Variants in H2BW2 observed in about 807,000 individuals in gnomAD.
H2BW2 encodes the protein histone H2B type F-M.
Under a neutral mutation model 9.2 loss-of-function variants are expected in H2BW2, and 8 were observed. The observed-to-expected ratio is 0.87, with a 90% CI of 0.51 to 1.57. The LOEUF (loss-of-function observed/expected upper bound fraction) is 1.57, where lower values mean the gene tolerates loss of function less well. Ranked by LOEUF, H2BW2 falls within the 40% of genes most tolerant of loss-of-function variation. H2BW2 has a pLI of 0.00. For synonymous variants in H2BW2, 80 were observed against 56.8 expected (o/e 1.41, Z -1.84); for missense variants, 193 against 137.3 (o/e 1.41, Z -2.03).
At position 104,040,283 on chromosome X, in the gene H2BW2, C is replaced by A; in HGVS notation, c.289C>A (p.Leu97Met). 1 of 1,197,311 alleles carries A rather than the reference C, an allele frequency of 8.4e-7. No individual in the cohort carries two copies. Among genetic ancestry groups the A allele is most frequent in the Admixed American group, 2.3e-5 (1 of 44,251 alleles). ...LDRIATEAGQLAHYTKRVTIT... is the reference protein window; with the variant it reads ...LDRIATEAGQMAHYTKRVTIT... Reference sequence around the variant, plus strand: ...CCGCATCGCCACCGAGGCTGGTCAGCTGGCCCATTACACCAAGCGCGTGAC... The same window carrying A: ...CCGCATCGCCACCGAGGCTGGTCAGATGGCCCATTACACCAAGCGCGTGAC... The change falls in exon 1 of 4, where the codon CTG (leucine) becomes ATG (methionine). Residue 97 changes from leucine (L) to methionine (M), a missense_variant. By Grantham distance (15) the Leu-to-Met change is conservative (BLOSUM62 2). Transcript: ENST00000675318.
chrX:104,040,055 G>A lies in H2BW2; in HGVS notation c.61G>A (p.Glu21Lys), dbSNP rs1463425839. ...EEGQSIQEPK[E>K]ANSTKAQKQK... ...AGGCCAGAGCATCCAGGAGCCCAAA[G>A]AGGCCAACTCCACGAAGGCCCAGAA... The change falls in exon 1 of 4, where the codon GAG (glutamate) becomes AAG (lysine). Residue 21 changes from glutamate to lysine, a missense_variant. Transcript: ENST00000675318. 1.4e-5 allele frequency: 16 copies of A among 1,165,280 alleles called. No homozygotes were observed. The highest frequency in any genetic ancestry group is 1.8e-5 in the Non-Finnish European group (16 of 872,627).
chrX:104,041,004 T>G (rs1369756540), intron 2 of H2BW2, 84 bp from the exon 3 acceptor site: 2 of 700,027 alleles, frequency 2.9e-6, no homozygotes, highest in Non-Finnish European at 4.2e-6. Flanking sequence ...CCATTCGTTT[T>G]CCAGCTTCCC....
intron 1 of H2BW2, 99 bp downstream of exon 1, chrX:104,040,503 G>A (rs868959905): frequency 1.2e-6 from 1 of 810,768 alleles, no homozygotes; most frequent in Middle Eastern, 4.4e-4. Context: ...ATAGGCCAGT[G>A]GCCCGCCAAG....
chrX:104,040,319 C>T lies in H2BW2; in HGVS notation c.325C>T (p.Arg109Trp), dbSNP rs782800167. The change falls in exon 1 of 4, where the codon CGG becomes TGG. Residue 109 changes from arginine to tryptophan, a missense_variant. By Grantham distance (101) the Arg-to-Trp change is moderately radical. Coordinates refer to ENST00000675318, the MANE Select transcript of H2BW2 (RefSeq NM_001388464.1). ...HYTKRVTITSRDIQMAVRLLL... is the reference protein window; with the variant it reads ...HYTKRVTITSWDIQMAVRLLL... Reference sequence around the variant, plus strand: ...CACCAAGCGCGTGACCATCACCTCCCGGGACATCCAGATGGCCGTGCGACT... The same window carrying T: ...CACCAAGCGCGTGACCATCACCTCCTGGGACATCCAGATGGCCGTGCGACT... The T allele has an allele frequency of 6.7e-5, 80 of 1,194,012 alleles. No homozygotes were observed. The highest frequency in any genetic ancestry group is 8.8e-5 in the African/African-American group (5 of 56,628).
intron 1 of H2BW2, among the ~76,000 whole-genome samples, 184 bp downstream of exon 1, chrX:104,040,588 G>A (rs1292120784): frequency 2.7e-5 from 3 of 112,430 alleles, no homozygotes; most frequent in African/African-American, 9.7e-5. Context: ...GGCCTCCTGC[G>A]GTTTTTCAAG....
intron 2 of H2BW2, 47 bp downstream of exon 2, chrX:104,040,933 G>A (rs1556344255): frequency 5.1e-6 from 6 of 1,167,852 alleles, no homozygotes; most frequent in African/African-American, 1.8e-5. Flanking sequence ...ATGAATCCAT[G>A]TAAATAAGCA....
intron 1 of H2BW2, 41 bp downstream of exon 1, chrX:104,040,445 C>A: frequency 3.7e-6 from 4 of 1,067,161 alleles, no homozygotes; most frequent in Non-Finnish European, 5.0e-6. Flanking sequence ...AGCGCCTGAG[C>A]ACCTGGGAAA....
At chrX:104,040,431 C>G (rs1383787755) in intron 1 of H2BW2, 27 bp downstream of exon 1, 1 of 1,103,956 alleles carries the variant, frequency 9.1e-7, no homozygotes, top group Non-Finnish European at 1.2e-6. Flanking sequence ...TGAGCTGTCT[C>G]AGGAGCGCCT....
rs1309614214 is a variant in H2BW2, at chrX:104,042,102, G to T, written c.*42-10G>T. 3.6e-5 allele frequency: 4 copies of T among 112,560 alleles called. No homozygotes were observed. Among genetic ancestry groups the T allele is most frequent in the Non-Finnish European group, 7.5e-5 (4 of 53,363 alleles). The allele number at this position is 112,560 out of a possible 1,213,427, so 9.3% of individuals were successfully genotyped here. On this transcript the variant is annotated splice_polypyrimidine_tract_variant and intron_variant, in intron 3 of 3. Coordinates refer to ENST00000675318, the MANE Select transcript of H2BW2 (RefSeq NM_001388464.1). ...CACTCATTGGGATCTGTTACTTTCT[G>T]TTTTTCCAGATTATTAGAAAAATAT...
Position 104,040,407 on chromosome X carries a change from A to G in H2BW2, c.410+3A>G. The G allele has an allele frequency of 8.8e-7, 1 of 1,139,091 alleles. No individual in the cohort carries two copies. Among genetic ancestry groups the G allele is most frequent in the Non-Finnish European group, 1.2e-6 (1 of 858,615 alleles). 93.9% of individuals were successfully genotyped at this position (1,139,091 alleles called of 1,213,427 possible). A position where few individuals can be genotyped will look rare whatever the true frequency, so the allele number is the denominator to read the frequency against. On this transcript the variant is annotated splice_donor_region_variant and intron_variant, in intron 1 of 3. Coordinates refer to ENST00000675318, the MANE Select transcript of H2BW2 (RefSeq NM_001388464.1). ...CAGGGCACGAATGCCGCCCTCAGGT[A>G]CACCAAAAGCAAGTGAGCTGTCTCA...
rs781863301 is a variant in H2BW2, at chrX:104,040,845, T to C, written c.428T>C (p.Ile143Thr). ...NAALRTSLCA[I>T]WQQRK ...TTTTCCAGAACTTCATTATGTGCGA[T>C]ATGGCAACAGAGAAAGTGAATATGC... is the stretch of plus-strand genomic sequence containing the variant. Residue 143 changes from isoleucine (I) to threonine (T), a missense_variant, in exon 2 of 4, where the codon ATA becomes ACA. By Grantham distance (89) the Ile-to-Thr change is moderately conservative (BLOSUM62 -1). Coordinates refer to ENST00000675318, the MANE Select transcript of H2BW2 (RefSeq NM_001388464.1). 6.2e-6 allele frequency: 6 copies of C among 969,655 alleles called. No individual in the cohort carries two copies. The East Asian group carries it at 1.8e-4, about 30-fold the overall frequency. 79.9% of individuals were successfully genotyped at this position (969,655 alleles called of 1,213,427 possible). A position where few individuals can be genotyped will look rare whatever the true frequency, so the allele number is the denominator to read the frequency against.
chrX:104,040,882 G>C lies in H2BW2; in HGVS notation c.*18G>C, dbSNP rs781988349. The C allele has an allele frequency of 1.1e-4, 124 of 1,174,200 alleles. No individual in the cohort carries two copies. The highest frequency in any genetic ancestry group is 1.4e-4 in the Non-Finnish European group (122 of 863,684). ...GAAAGTGAATATGCTGATACAAGAAGCAAGGTAACCCTCCTAAATGTGTTC... is the reference window on the plus strand; with the variant it reads ...GAAAGTGAATATGCTGATACAAGAACCAAGGTAACCCTCCTAAATGTGTTC... On this transcript the variant is annotated 3_prime_UTR_variant, in exon 2 of 4. Coordinates refer to ENST00000675318, the MANE Select transcript of H2BW2 (RefSeq NM_001388464.1).
rs782616912 is a variant in H2BW2, at chrX:104,040,251, T to C, written c.257T>C (p.Ile86Thr). Residue 86 changes from isoleucine (I) to threonine (T), a missense_variant, in exon 1 of 4, where the codon ATA (isoleucine) becomes ACA (threonine). Physicochemically the swap from Ile to Thr is moderately conservative, Grantham distance 89. Transcript: ENST00000675318. ...VSVMDSMIHD[I>T]LDRIATEAGQ... ...GTCATGGATTCTATGATCCATGACA[T>C]ATTGGACCGCATCGCCACCGAGGCT... is the stretch of plus-strand genomic sequence containing the variant. 4.5e-4 allele frequency: 537 copies of C among 1,192,847 alleles called. No homozygotes were observed. Among genetic ancestry groups the C allele is most frequent in the Middle Eastern group, 1.8e-3 (8 of 4,338 alleles).
At chrX:104,040,979 A>T (rs1556344265) in intron 2 of H2BW2, 93 bp downstream of exon 2, 1 of 895,712 alleles carries the variant, frequency 1.1e-6, no homozygotes, top group Non-Finnish European at 1.5e-6. Context: ...ATGGCTAAAT[A>T]AAATTTTCAA....
chrX:104,041,389 C>G (rs782262639), intron 3 of H2BW2: 12 of 118,330 alleles, frequency 1.0e-4, no homozygotes, highest in African/African-American at 3.8e-4. Context: ...GTACCTTGTC[C>G]CTAACATCAA....
At chrX:104,040,911 A>G (rs1444161107) in intron 2 of H2BW2, 25 bp downstream of exon 2, 2 of 1,180,837 alleles carry the variant, frequency 1.7e-6, no homozygotes, top group Non-Finnish European at 2.3e-6. Flanking sequence ...TGTGTTCAGC[A>G]TCTCTCTCAT....
chrX:104,040,976 A>C (rs3213517), intron 2 of H2BW2, 90 bp downstream of exon 2: 330,281 of 930,118 alleles, frequency 0.36, 43,688 homozygotes, highest in Admixed American at 0.6. Flanking sequence ...TATATGGCTA[A>C]ATAAAATTTT....
chrX:104,041,042 T>C, intron 2 of H2BW2, 46 bp from the exon 3 acceptor site: 1 of 526,660 alleles, frequency 1.9e-6, no homozygotes, highest in Non-Finnish European at 3.1e-6. Flanking sequence ...TTGTAATTCA[T>C]TCTCTTTTTG....
In H2BW2 at chrX:104,040,257, A is replaced by C; in HGVS notation, c.263A>C (p.Asp88Ala). ...VMDSMIHDIL[D>A]RIATEAGQLA... The stretch of plus-strand genomic sequence containing the variant: ...GATTCTATGATCCATGACATATTGG[A>C]CCGCATCGCCACCGAGGCTGGTCAG... The change falls in exon 1 of 4, where the codon GAC (aspartate) becomes GCC (alanine). Residue 88 changes from aspartate to alanine, a missense_variant. Physicochemically the swap from Asp to Ala is moderately radical, Grantham distance 126. Transcript: ENST00000675318. 1 of 1,194,205 alleles carries C rather than the reference A, an allele frequency of 8.4e-7. No individual in the cohort carries two copies. The highest frequency in any genetic ancestry group is 1.1e-6 in the Non-Finnish European group (1 of 886,762).
Sources: allele counts gnomAD v4.1 joint callset (sites outside exome capture counted in the v4.1 genomes callset), GRCh38; gene constraint gnomAD v4.1.1; transcripts MANE v1.5; gene names NCBI Gene and HGNC (gene_info 2026-07-23, HGNC 2026-07-21).